Variants in HERC2 observed in about 807,000 individuals in gnomAD.
The protein encoded by HERC2 is E3 ubiquitin-protein ligase HERC2.
HERC2 carries 102 observed loss-of-function variants against 537.7 expected under a neutral mutation model. The observed-to-expected ratio is 0.19, with a 90% CI of 0.16 to 0.22. The LOEUF (loss-of-function observed/expected upper bound fraction) is 0.22, where lower values mean the gene tolerates loss of function less well. Ranked by LOEUF, HERC2 falls within the 10% of genes least tolerant of loss-of-function variation. The pLI is 1.00. For synonymous variants in HERC2, 2,224 were observed against 2,466.2 expected (o/e 0.90, Z 2.91); for missense variants, 4,236 against 6,198.2 (o/e 0.68, Z 10.63).
intron 19 of HERC2, among the ~76,000 whole-genome samples, chr15:28,255,535 C>T (rs2075231901): frequency 6.6e-6 from 1 of 152,144 alleles, no homozygotes; most frequent in Non-Finnish European, 1.5e-5. Context: ...TGCTGCGACA[C>T]TCAGAGCAGG....
At position 28,111,101 on chromosome 15, in the gene HERC2, TTATATATAGTA is replaced by T. The variant is rs1459396648; in HGVS notation, c.*651_*661del. ...TTTAGGCATATACATGACACAAACA[TTATATATAGTA>T]CACTTTCCATGATAGAAGTTATGAT... On this transcript the variant is annotated 3_prime_UTR_variant, in exon 93 of 93. Transcript: ENST00000261609. 6.6e-6 allele frequency: 1 copy of T among 152,214 alleles called. No individual in the cohort carries two copies. The highest frequency in any genetic ancestry group is 1.9e-4 in the East Asian group (1 of 5,202). The allele number at this position is 152,214 out of a possible 1,614,324, so 9.4% of individuals were successfully genotyped here.
rs1421880044 is a variant in HERC2 at position 28,113,878 on chromosome 15, C to T, written c.13914-200G>A. On this transcript the variant is annotated intron_variant, in intron 90 of 92. Transcript: ENST00000261609. The surrounding 1 kb of genome is among the most constrained non-coding windows in gnomAD (Gnocchi z 7.0). ...TGACACTGGGCTCATCTCGTCCAGC[C>T]GACAGGGTACGGCCTAATGACCACC... Among the ~76,000 whole-genome samples the T allele has an allele frequency of 2.0e-5, 3 of 152,140 alleles. No homozygotes were observed. The highest frequency in any genetic ancestry group is 6.5e-5 in the Admixed American group (1 of 15,276).
At chr15:28,212,661 T>C in intron 42 of HERC2, 78 bp from the exon 43 acceptor site, 2 of 1,484,580 alleles carry the variant, frequency 1.3e-6, no homozygotes, top group Non-Finnish European at 1.9e-6. Context: ...ATCAAAACCA[T>C]GGGCTTAATC....
In HERC2 at chr15:28,295,700, C is replaced by T. The variant is rs185251527; in HGVS notation, c.188-2678G>A. ...GGTGTGAGCCACCACGCCCGGCCAC[C>T]GTATTTTATAGTTTTTAATAATTGA... On this transcript the variant is annotated intron_variant, in intron 3 of 92. Transcript: ENST00000261609. Among the ~76,000 whole-genome samples, 4 of 152,176 alleles carry T rather than the reference C, an allele frequency of 2.6e-5. No homozygotes were observed. In the East Asian group the frequency reaches 5.8e-4, roughly 22 times the overall value.
chr15:28,125,969 GC>G (rs1221759733), intron 83 of HERC2, among the ~76,000 whole-genome samples: 1 of 152,164 alleles, frequency 6.6e-6, no homozygotes, highest in Non-Finnish European at 1.5e-5. Flanking sequence ...GCACCACCAT[GC>G]CCAGCTAATT....
rs563116465 is a variant in HERC2, at chr15:28,153,680, G to A, written c.10747-850C>T. 7.2e-5 allele frequency among the ~76,000 whole-genome samples: 11 copies of A among 152,262 alleles called. 1 individual carries two copies. In the South Asian group the frequency reaches 2.3e-3, roughly 32 times the overall value. Reference sequence around the variant, plus strand: ...AAAGAAAAAGAAAAAAAAGTAGTTGGAAGGCTCCCAACACACACAACACTT... The same window carrying A: ...AAAGAAAAAGAAAAAAAAGTAGTTGAAAGGCTCCCAACACACACAACACTT... On this transcript the variant is annotated intron_variant, in intron 69 of 92. Transcript: ENST00000261609.
rs756018565 is a variant in HERC2 at position 28,114,765 on chromosome 15, C to T, written c.13760G>A (p.Arg4587Gln). Reference sequence around the variant, plus strand: ...CTCCTCTGAGGTGGCTTCATTGTCTCGGATGTACATGAGTCCAGGAATAAA... The same window carrying T: ...CTCCTCTGAGGTGGCTTCATTGTCTTGGATGTACATGAGTCCAGGAATAAA... ...KDFIPGLMYI[R>Q]DNEATSEEFE... Residue 4587 changes from arginine (R) to glutamine (Q), a missense_variant, in exon 90 of 93, where the codon CGA becomes CAA. Around this residue, in one of 27 missense-constraint regions of HERC2, gnomAD observed 313 missense variants for 462.6 expected, o/e 0.68. Coordinates refer to ENST00000261609, the MANE Select transcript of HERC2 (RefSeq NM_004667.6). The T allele has an allele frequency of 2.0e-5, 33 of 1,613,926 alleles. No homozygotes were observed. Among genetic ancestry groups the T allele is most frequent in the Non-Finnish European group, 2.6e-5 (31 of 1,180,026 alleles).
chr15:28,194,311 C>T (rs1249154498), intron 52 of HERC2, among the ~76,000 whole-genome samples: 5 of 147,790 alleles, frequency 3.4e-5, no homozygotes, highest in Non-Finnish European at 6.0e-5. Flanking sequence ...GTGATCCACC[C>T]GCCTCGCCTC....
chr15:28,265,576 T>A lies in HERC2; in HGVS notation c.1870+42A>T. 6.5e-7 allele frequency: 1 copy of A among 1,529,406 alleles called. No homozygotes were observed. The highest frequency in any genetic ancestry group is 9.1e-7 in the Non-Finnish European group (1 of 1,104,712). The allele number at this position is 1,529,406 out of a possible 1,614,324, so 94.7% of individuals were successfully genotyped here. A position where few individuals can be genotyped will look rare whatever the true frequency, so the allele number is the denominator to read the frequency against. ...CTTCCTCCAGGGAAGCTGCCATGCG[T>A]GTCCTCGTGGGCCTGTCCAGGGTGG... is the stretch of plus-strand genomic sequence containing the variant. On this transcript the variant is annotated intron_variant, in intron 14 of 92. Coordinates refer to ENST00000261609, the MANE Select transcript of HERC2 (RefSeq NM_004667.6). The surrounding 1 kb of genome is among the most constrained non-coding windows in gnomAD (Gnocchi z 4.0).
chr15:28,201,981 T>C, intron 47 of HERC2, 132 bp downstream of exon 47: 1 of 1,062,632 alleles, frequency 9.4e-7, no homozygotes, highest in Non-Finnish European at 1.4e-6. Context: ...ATACCATAGG[T>C]TGGTTTTATG....
At chr15:28,222,608 G>T (rs1017262550) in intron 35 of HERC2, among the ~76,000 whole-genome samples, 2 of 152,132 alleles carry the variant, frequency 1.3e-5, no homozygotes, top group Middle Eastern at 3.2e-3. Flanking sequence ...ATGGTTCTGT[G>T]CAGAAGACAG....
chr15:28,152,407 T>C (rs1448256773), intron 70 of HERC2, among the ~76,000 whole-genome samples: 1 of 152,218 alleles, frequency 6.6e-6, no homozygotes, highest in South Asian at 2.1e-4. Flanking sequence ...TTCCAGAATT[T>C]GCCACAGGTT....
intron 78 of HERC2, among the ~76,000 whole-genome samples, chr15:28,140,557 C>A (rs918996920): frequency 2.0e-5 from 3 of 152,028 alleles, no homozygotes; most frequent in Non-Finnish European, 2.9e-5. Context: ...AATCTCACTC[C>A]GTCACCCAGG....
chr15:28,222,486 C>T (rs1380646388), intron 35 of HERC2, among the ~76,000 whole-genome samples: 2 of 152,210 alleles, frequency 1.3e-5, no homozygotes, highest in East Asian at 1.9e-4. Flanking sequence ...ATTACTCCCC[C>T]CAAAAAAGCA....
Position 28,143,999 on chromosome 15 carries a change from G to T in HERC2, c.11300-8C>A, listed in dbSNP as rs373959383. On this transcript the variant is annotated splice_region_variant and splice_polypyrimidine_tract_variant and intron_variant, in intron 73 of 92. Coordinates refer to ENST00000261609, the MANE Select transcript of HERC2 (RefSeq NM_004667.6). ...ACATTCTGTGACTGGCAGCTGAAAT[G>T]AGCAGAGAGAAAGTATCAGAAGTCT... 1.9e-6 allele frequency: 3 copies of T among 1,614,156 alleles called. No individual in the cohort carries two copies. Among genetic ancestry groups the T allele is most frequent in the Non-Finnish European group, 2.5e-6 (3 of 1,180,034 alleles).
chr15:28,178,164 C>A (rs973896384), intron 59 of HERC2, among the ~76,000 whole-genome samples: 9 of 152,110 alleles, frequency 5.9e-5, no homozygotes, highest in Admixed American at 3.3e-4. Flanking sequence ...AATTCCCAGC[C>A]TCCTCTGCCC....
intron 2 of HERC2, among the ~76,000 whole-genome samples, chr15:28,315,380 C>T (rs1383111669): frequency 9.9e-5 from 15 of 152,216 alleles, no homozygotes; most frequent in African/African-American, 3.4e-4. Context: ...AGCCGAAGGG[C>T]GGCTCACAGG....
At chr15:28,216,272 T>C (rs535691880) in intron 38 of HERC2, among the ~76,000 whole-genome samples, 172 of 152,302 alleles carry the variant, frequency 1.1e-3, no homozygotes, top group African/African-American at 4.0e-3. Flanking sequence ...GTTTTAAATA[T>C]CTCCACAATC....
rs114724919 is a variant in HERC2, at chr15:28,295,510, G to A, written c.188-2488C>T. Among the ~76,000 whole-genome samples the A allele has an allele frequency of 3.6e-3, 548 of 152,104 alleles. 6 individuals carry two copies. Among genetic ancestry groups the A allele is most frequent in the African/African-American group, 0.013 (520 of 41,492 alleles). On this transcript the variant is annotated intron_variant, in intron 3 of 92. Transcript: ENST00000261609. Reference sequence around the variant, plus strand: ...ATTCTCCCAAGTTCAAGTGATTCTCGTGCCTCAGCCCCCAAGGAGCTGGGA... The same window carrying A: ...ATTCTCCCAAGTTCAAGTGATTCTCATGCCTCAGCCCCCAAGGAGCTGGGA...
Sources: gnomAD v4.1 joint callset for allele counts (sites outside exome capture counted in the v4.1 genomes callset) on GRCh38, gnomAD v4.1.1 for gene constraint, gnomAD v4.1.1 regional missense constraint, Gnocchi (gnomAD v3.1) non-coding constraint, MANE v1.5 for transcripts, NCBI Gene and HGNC (gene_info 2026-07-23, HGNC 2026-07-21) for gene names.